NUMB: variants seen among roughly 807,000 people sequenced by gnomAD.
NUMB encodes protein numb homolog.
In NUMB, 29 loss-of-function variants were observed where a neutral mutation model predicts 59.7. The ratio of observed to expected loss-of-function variants is 0.49; its 90% CI spans 0.36 to 0.66. The LOEUF is 0.66. NUMB is among the 30% of genes least tolerant of loss of function. NUMB has a pLI of 0.00. For missense variants in NUMB, 723 were observed against 822.0 expected (o/e 0.88, Z 1.47); for synonymous variants, 288 against 288.2 (o/e 1.00, Z 0.01).
intron 4 of NUMB, among the ~76,000 whole-genome samples, chr14:73,351,419 C>A (rs1370491515): frequency 6.6e-6 from 1 of 152,054 alleles, no homozygotes; most frequent in Non-Finnish European, 1.5e-5. Flanking sequence ...TTGCAGTGAG[C>A]GGGGGTTGCA....
intron 2 of NUMB, among the ~76,000 whole-genome samples, chr14:73,387,906 C>G (rs559882423): frequency 1.1e-3 from 170 of 150,168 alleles, no homozygotes; most frequent in African/African-American, 4.1e-3. Flanking sequence ...ATCATTTGAG[C>G]CCAGGAGTTT....
At chr14:73,374,573 G>A (rs975742721) in intron 2 of NUMB, among the ~76,000 whole-genome samples, 1 of 151,912 alleles carries the variant, frequency 6.6e-6, no homozygotes, top group Non-Finnish European at 1.5e-5. Context: ...TCTGGCAAAG[G>A]GTTTTCCACC....
chr14:73,367,346 T>TAGAG (rs1288750867), intron 2 of NUMB, among the ~76,000 whole-genome samples: 152 of 91,240 alleles, frequency 1.7e-3, no homozygotes, highest in Middle Eastern at 5.4e-3. Context: ...TATATATATA[T>TAGAG]ATAGAGAGAG....
chr14:73,308,850 C>T (rs758719015), intron 6 of NUMB, among the ~76,000 whole-genome samples: 25 of 152,072 alleles, frequency 1.6e-4, no homozygotes, highest in Non-Finnish European at 2.2e-4. Context: ...TGAATTGCTG[C>T]TGATAGTCTG....
chr14:73,323,208 T>C lies in NUMB; in HGVS notation c.127-4A>G, dbSNP rs577496636. The C allele has an allele frequency of 1.7e-5, 27 of 1,607,868 alleles. No individual in the cohort carries two copies. Among genetic ancestry groups the C allele is most frequent in the African/African-American group, 4.0e-5 (3 of 74,892 alleles). On this transcript the variant is annotated splice_region_variant and splice_polypyrimidine_tract_variant and intron_variant, in intron 4 of 12. Transcript: ENST00000555238. ...CAACTTCTACATGGCCAAGGTACTGTAGAAAGAAGGAAAAGTTAGGGCTAT... is the reference window on the plus strand; with the variant it reads ...CAACTTCTACATGGCCAAGGTACTGCAGAAAGAAGGAAAAGTTAGGGCTAT...
In NUMB at chr14:73,276,963, A is replaced by G; in HGVS notation, c.1571T>C (p.Val524Ala). 1 of 1,614,154 alleles carries G rather than the reference A, an allele frequency of 6.2e-7. No individual in the cohort carries two copies. The highest frequency in any genetic ancestry group is 8.5e-7 in the Non-Finnish European group (1 of 1,180,020). ...ANGMPYPAPN[V>A]PVVGITPSQM... Reference sequence around the variant, plus strand: ...GGAGGGAGTGATGCCCACCACAGGCACATTAGGGGCTGGATAGGGCATTCC... The same window carrying G: ...GGAGGGAGTGATGCCCACCACAGGCGCATTAGGGGCTGGATAGGGCATTCC... Residue 524 changes from valine (V) to alanine (A), a missense_variant, in exon 13 of 13, where the codon GTG (valine) becomes GCG (alanine). By Grantham distance (64) the Val-to-Ala change is moderately conservative. Around this residue, in one of 2 missense-constraint regions of NUMB, gnomAD observed 406 missense variants for 385.4 expected, o/e 1.05. Transcript: ENST00000555238.
In NUMB at chr14:73,353,072, GTTTTTTTT is replaced by G. The variant is rs71112737; in HGVS notation, c.126+2546_126+2553del. On this transcript the variant is annotated intron_variant, in intron 4 of 12. Transcript: ENST00000555238. ...CTTAATGGATGCCACAGTTTTTCTT[GTTTTTTTT>G]TTTTTTTTTTTTTTTTTTTTTGAGA... Among the ~76,000 whole-genome samples, 162 of 58,486 alleles carry G rather than the reference GTTTTTTTT, an allele frequency of 2.8e-3. 1 individual carries two copies. Among genetic ancestry groups the G allele is most frequent in the Admixed American group, 4.3e-3 (16 of 3,690 alleles). The allele number at this position is 58,486 out of a possible 152,430, so 38.4% of individuals were successfully genotyped here.
chr14:73,382,241 G>A (rs563942464), intron 2 of NUMB, among the ~76,000 whole-genome samples: 58 of 152,270 alleles, frequency 3.8e-4, no homozygotes, highest in African/African-American at 1.4e-3. Context: ...CCGCCTCCTG[G>A]GTTCGAGTGA....
intron 1 of NUMB, among the ~76,000 whole-genome samples, chr14:73,435,225 G>A (rs1308305310): frequency 4.0e-5 from 6 of 151,526 alleles, no homozygotes; most frequent in South Asian, 2.1e-4. Context: ...GTATTAAAAC[G>A]GTATAACCAT....
At chr14:73,389,064 A>T (rs1372901764) in intron 2 of NUMB, among the ~76,000 whole-genome samples, 5 of 146,448 alleles carry the variant, frequency 3.4e-5, no homozygotes, top group Admixed American at 7.0e-5. Flanking sequence ...GCGCCACTGC[A>T]CTCCAGCCTA....
chr14:73,278,497 G>A (rs1219856473), intron 12 of NUMB, among the ~76,000 whole-genome samples: 9 of 150,954 alleles, frequency 6.0e-5, no homozygotes, highest in Non-Finnish European at 2.9e-5. Context: ...TCCAGCCTGG[G>A]TGACAGAACA....
At chr14:73,323,557 C>A (rs1434781334) in intron 4 of NUMB, among the ~76,000 whole-genome samples, 1 of 152,198 alleles carries the variant, frequency 6.6e-6, no homozygotes, top group Non-Finnish European at 1.5e-5. Flanking sequence ...TCTACTGGAT[C>A]TGAAGCATAA....
chr14:73,431,741 T>TC (rs1386478004), intron 1 of NUMB, among the ~76,000 whole-genome samples: 4 of 151,910 alleles, frequency 2.6e-5, no homozygotes, highest in Admixed American at 2.6e-4. Flanking sequence ...AGAGCAAGAC[T>TC]CCGTCTCAAA....
At chr14:73,336,288 T>C (rs545745627) in intron 4 of NUMB, among the ~76,000 whole-genome samples, 1 of 152,340 alleles carries the variant, frequency 6.6e-6, no homozygotes, top group African/African-American at 2.4e-5. Flanking sequence ...TCATTATTCT[T>C]CTTTAAAACA....
At chr14:73,377,407 G>A (rs533348982) in intron 2 of NUMB, among the ~76,000 whole-genome samples, 1 of 151,904 alleles carries the variant, frequency 6.6e-6, no homozygotes, top group Non-Finnish European at 1.5e-5. Context: ...GAGGCCAAGG[G>A]GGGCAGGCAG....
In NUMB at chr14:73,373,725, T is replaced by A. The variant is rs868865060; in HGVS notation, c.-100-6744A>T. Among the ~76,000 whole-genome samples the A allele has an allele frequency of 6.8e-3, 998 of 145,870 alleles. 4 individuals are homozygous for A. The highest frequency in any genetic ancestry group is 0.029 in the South Asian group (135 of 4,668). On this transcript the variant is annotated intron_variant, in intron 2 of 12. Transcript: ENST00000555238. ...GCTTCCTTTTTTTTTTTTTTTTTTT[T>A]AAAGACAGGGTCTTACTCTGTCACC... is the stretch of plus-strand genomic sequence containing the variant.
chr14:73,392,659 CAT>C (rs1434037032), intron 2 of NUMB, among the ~76,000 whole-genome samples: 2 of 152,186 alleles, frequency 1.3e-5, no homozygotes, highest in South Asian at 2.1e-4. Context: ...CACACAGTGT[CAT>C]ATATTTATTT....
intron 6 of NUMB, among the ~76,000 whole-genome samples, chr14:73,315,741 G>GGGCATTATGTA (rs1891052317): frequency 6.6e-6 from 1 of 151,934 alleles, no homozygotes; most frequent in Admixed American, 6.6e-5. Flanking sequence ...ATTTCCCTGT[G>GGGCATTATGTA]AATATTGGGC....
chr14:73,383,006 C>T (rs950409275), intron 2 of NUMB, among the ~76,000 whole-genome samples: 2 of 152,098 alleles, frequency 1.3e-5, no homozygotes, highest in South Asian at 2.1e-4. Flanking sequence ...ATCAGCTAGG[C>T]GTGGTGGCAC....
Sources: gnomAD v4.1 joint callset for allele counts (sites outside exome capture counted in the v4.1 genomes callset) on GRCh38, gnomAD v4.1.1 for gene constraint, gnomAD v4.1.1 regional missense constraint, MANE v1.5 for transcripts, NCBI Gene and HGNC (gene_info 2026-07-23, HGNC 2026-07-21) for gene names.